The following ATRNL1 variants were observed in gnomAD, a reference collection of about 807,000 sequenced individuals.
The protein encoded by ATRNL1 is attractin-like protein 1.
ATRNL1 carries 95 observed loss-of-function variants against 182.7 expected under a neutral mutation model. That is an observed-to-expected ratio of 0.52 (90% CI 0.44 to 0.62). The LOEUF (loss-of-function observed/expected upper bound fraction) is 0.62, where lower values mean the gene tolerates loss of function less well. Ranked by LOEUF, ATRNL1 falls within the 20% of genes least tolerant of loss-of-function variation. The probability of loss-of-function intolerance (pLI) is 0.00; values close to 1 mark genes in which losing one functional copy is unlikely to be tolerated. For synonymous variants in ATRNL1, 576 were observed against 568.3 expected, an observed-to-expected ratio of 1.01 and a Z score of -0.19; for missense variants, 1,471 against 1,679.5, an observed-to-expected ratio of 0.88 and a Z score of 2.17.
rs371734632 is a variant in ATRNL1 at position 115,449,161 on chromosome 10, C to T, written c.3323-12780C>T. Among the ~76,000 whole-genome samples, 5 of 152,244 alleles carry T rather than the reference C, an allele frequency of 3.3e-5. No individual in the cohort carries two copies. The South Asian group carries it at 8.3e-4, about 25-fold the overall frequency. On this transcript the variant is annotated intron_variant, in intron 21 of 28. Coordinates refer to ENST00000355044, the MANE Select transcript of ATRNL1 (RefSeq NM_207303.4). ...GCTCGAATGTTGCCTTTTCCAAAAT[C>T]GCCCTGGCCCACCCCACTCCCCTGA...
At chr10:115,809,527 T>A (rs1336126269) in intron 27 of ATRNL1, among the ~76,000 whole-genome samples, 2 of 152,054 alleles carry the variant, frequency 1.3e-5, no homozygotes, top group Non-Finnish European at 2.9e-5. Context: ...AATATTTTAA[T>A]AAATTTGTAC....
intron 19 of ATRNL1, among the ~76,000 whole-genome samples, chr10:115,371,530 G>C (rs1172110795): frequency 2.0e-5 from 3 of 152,240 alleles, no homozygotes; most frequent in African/African-American, 4.8e-5. Flanking sequence ...AAATTTGACT[G>C]TCTTGCTGGA....
chr10:115,189,606 T>A (rs114990159), intron 8 of ATRNL1, among the ~76,000 whole-genome samples: 1,787 of 152,122 alleles, frequency 0.012, 34 homozygotes, highest in African/African-American at 0.04. Context: ...TAATAAGGAT[T>A]TAAGGAAAAA....
At chr10:115,527,769 T>TTTCC (rs1851298657) in intron 25 of ATRNL1, among the ~76,000 whole-genome samples, 1 of 151,586 alleles carries the variant, frequency 6.6e-6, no homozygotes, top group Non-Finnish European at 1.5e-5. Flanking sequence ...TTTGCCTATT[T>TTTCC]TTCCTTCCTT....
At chr10:115,646,131 G>A (rs1485085541) in intron 26 of ATRNL1, among the ~76,000 whole-genome samples, 1 of 151,328 alleles carries the variant, frequency 6.6e-6, no homozygotes, top group Non-Finnish European at 1.5e-5. Context: ...GTATAAAGGA[G>A]ATGATCTTTA....
rs1311830079 is a variant in ATRNL1 at position 115,915,712 on chromosome 10, T to C, written c.4019-28946T>C. ...GTGAATGAAATCCCAGACTCCAAAG[T>C]ATCAGGTTCTAAAGAGATTAGAGTG... On this transcript the variant is annotated intron_variant, in intron 28 of 28. Coordinates refer to ENST00000355044, the MANE Select transcript of ATRNL1 (RefSeq NM_207303.4). 3.3e-5 allele frequency among the ~76,000 whole-genome samples: 5 copies of C among 152,178 alleles called. No homozygotes were observed. In the East Asian group the frequency reaches 9.6e-4, roughly 29 times the overall value.
intron 26 of ATRNL1, among the ~76,000 whole-genome samples, chr10:115,574,645 A>G (rs1413044249): frequency 6.6e-6 from 1 of 152,136 alleles, no homozygotes; most frequent in Non-Finnish European, 1.5e-5. Flanking sequence ...ATCCTATGTT[A>G]CTTGGGCACC....
At position 115,093,905 on chromosome 10, in the gene ATRNL1, C is replaced by A; in HGVS notation, c.155C>A (p.Ala52Glu). 6.3e-7 allele frequency: 1 copy of A among 1,597,634 alleles called. No homozygotes were observed. The part of the protein sequence containing the change: ...WLLCYGFLYL[A>E]LYAQVSQSKP... The stretch of plus-strand genomic sequence containing the variant: ...CTGTGCTATGGCTTCCTCTACCTGG[C>A]GCTCTACGCGCAGGTGTCCCAGTCC... The change falls in exon 1 of 29, where the codon GCG (alanine) becomes GAG (glutamate). Residue 52 changes from alanine to glutamate, a missense_variant. Transcript: ENST00000355044. This position sits in a 1 kb window ranked among gnomAD's most constrained non-coding sequence, Gnocchi z 6.1.
intron 28 of ATRNL1, among the ~76,000 whole-genome samples, chr10:115,894,571 G>T (rs1253784967): frequency 2.0e-5 from 3 of 152,132 alleles, no homozygotes; most frequent in Admixed American, 2.0e-4. Context: ...TTTGAAATTG[G>T]TGCCAAGATA....
chr10:115,655,703 TTAAAA>T (rs1555035675), intron 26 of ATRNL1, among the ~76,000 whole-genome samples: 1 of 152,188 alleles, frequency 6.6e-6, no homozygotes, highest in African/African-American at 2.4e-5. Context: ...TGAATAAAAC[TTAAAA>T]TAAAACTTAA....
At chr10:115,839,068 T>TATTG (rs1428629018) in intron 27 of ATRNL1, among the ~76,000 whole-genome samples, 9 of 152,200 alleles carry the variant, frequency 5.9e-5, no homozygotes, top group African/African-American at 2.2e-4. Context: ...GCATTAAGAA[T>TATTG]ATTGCCAAAT....
chr10:115,368,562 C>G (rs1354116854), intron 19 of ATRNL1, among the ~76,000 whole-genome samples: 1 of 152,074 alleles, frequency 6.6e-6, no homozygotes, highest in Non-Finnish European at 1.5e-5. Flanking sequence ...TTGTTTTTAG[C>G]TACAGTCACC....
At chr10:115,682,797 T>C (rs2133953594) in intron 26 of ATRNL1, among the ~76,000 whole-genome samples, 1 of 152,214 alleles carries the variant, frequency 6.6e-6, no homozygotes, top group Non-Finnish European at 1.5e-5. Context: ...CTGCTAGCTC[T>C]TAGAAGCTGT....
chr10:115,520,012 G>A (rs1850842598), intron 25 of ATRNL1, among the ~76,000 whole-genome samples: 1 of 152,158 alleles, frequency 6.6e-6, no homozygotes, highest in Non-Finnish European at 1.5e-5. Flanking sequence ...AGATCCTCTG[G>A]ATTGGAAGAG....
At chr10:115,660,316 G>A (rs1555037376) in intron 26 of ATRNL1, among the ~76,000 whole-genome samples, 1 of 152,170 alleles carries the variant, frequency 6.6e-6, no homozygotes, top group Non-Finnish European at 1.5e-5. Flanking sequence ...TAGTTGGCTT[G>A]TAGTGATAGT....
At chr10:115,331,112 T>A (rs146337104) in intron 18 of ATRNL1, among the ~76,000 whole-genome samples, 26 of 151,940 alleles carry the variant, frequency 1.7e-4, no homozygotes, top group Non-Finnish European at 3.2e-4. Context: ...TAGGCTGGAG[T>A]GCAGTGGTGC....
At chr10:115,571,304 G>A (rs950365214) in intron 26 of ATRNL1, among the ~76,000 whole-genome samples, 9 of 152,174 alleles carry the variant, frequency 5.9e-5, no homozygotes, top group African/African-American at 1.9e-4. Context: ...TTTCATGGAA[G>A]GAAGGAGTGA....
intron 27 of ATRNL1, among the ~76,000 whole-genome samples, chr10:115,766,336 G>C (rs1447545413): frequency 6.6e-6 from 1 of 152,162 alleles, no homozygotes; most frequent in Non-Finnish European, 1.5e-5. Context: ...TCTTTACTGT[G>C]TGAAGGTATG....
At chr10:115,472,672 CT>C (rs1170919223) in intron 24 of ATRNL1, among the ~76,000 whole-genome samples, 1 of 151,008 alleles carries the variant, frequency 6.6e-6, no homozygotes. Context: ...TAGAATTCAA[CT>C]GATTTTTGTA....
Sources: gnomAD v4.1 joint callset for allele counts (sites outside exome capture counted in the v4.1 genomes callset) on GRCh38, gnomAD v4.1.1 for gene constraint, Gnocchi (gnomAD v3.1) non-coding constraint, MANE v1.5 for transcripts, NCBI Gene and HGNC (gene_info 2026-07-23, HGNC 2026-07-21) for gene names.